The following B4GALNT3 variants were observed in gnomAD, a reference collection of about 807,000 sequenced individuals.
B4GALNT3 encodes beta-1,4-N-acetyl-galactosaminyltransferase 3, also known as beta-1,4-N-acetylgalactosaminyltransferase 3.
B4GALNT3 carries 86 observed loss-of-function variants against 120.2 expected under a neutral mutation model. The observed-to-expected ratio is 0.72, with a 90% CI of 0.60 to 0.86. The LOEUF is 0.86. Among genes scored for constraint, B4GALNT3 ranks in the 40% least tolerant of loss-of-function variants. The pLI is 0.00. For synonymous variants in B4GALNT3, 518 were observed against 510.4 expected, an observed-to-expected ratio of 1.01 and a Z score of -0.20; for missense variants, 1,167 against 1,298.9, an observed-to-expected ratio of 0.90 and a Z score of 1.56.
At chr12:541,131 G>A (rs1946909881) in intron 3 of B4GALNT3, among the ~76,000 whole-genome samples, 5 of 152,348 alleles carry the variant, frequency 3.3e-5, no homozygotes, top group Admixed American at 3.3e-4. Flanking sequence ...CCGTGTGGGG[G>A]AGAAGCTGAG....
intron 1 of B4GALNT3, among the ~76,000 whole-genome samples, chr12:519,246 G>A (rs2120614617): frequency 6.6e-6 from 1 of 152,294 alleles, no homozygotes; most frequent in Admixed American, 6.5e-5. Context: ...ATTCCCCTAA[G>A]ACCTGGGAAG....
Position 550,858 on chromosome 12 carries a change from G to A in B4GALNT3, c.998-64G>A, listed in dbSNP as rs1947073244. On this transcript the variant is annotated intron_variant, in intron 10 of 19. Coordinates refer to ENST00000266383, the MANE Select transcript of B4GALNT3 (RefSeq NM_173593.4). The surrounding 1 kb of genome is among the most constrained non-coding windows in gnomAD (Gnocchi z 4.1). The stretch of plus-strand genomic sequence containing the variant: ...TACAGAAAGGGCCCTGCTCAGGGCA[G>A]AGGACTTCAGCCCCAGTTTCGTGCT... 9.0e-6 allele frequency: 12 copies of A among 1,331,286 alleles called. No homozygotes were observed. Among genetic ancestry groups the A allele is most frequent in the South Asian group, 1.2e-5 (1 of 80,702 alleles). The allele number at this position is 1,331,286 out of a possible 1,614,324, so 82.5% of individuals were successfully genotyped here.
In B4GALNT3 at chr12:560,074, C is replaced by T. The variant is rs187821804; in HGVS notation, c.2888+653C>T. On this transcript the variant is annotated intron_variant, in intron 19 of 19. Transcript: ENST00000266383. ...CACCAGGCCATGGGTGGTGAGGAGG[C>T]GGAGGCTGTTCCGTGTGAGGTTCCT... 1.1e-3 allele frequency among the ~76,000 whole-genome samples: 175 copies of T among 152,230 alleles called. 1 individual carries two copies. The South Asian group carries it at 0.02, about 17-fold the overall frequency.
intron 14 of B4GALNT3, among the ~76,000 whole-genome samples, chr12:554,731 A>T (rs1201044245): frequency 8.0e-6 from 1 of 124,394 alleles, no homozygotes; most frequent in Non-Finnish European, 1.6e-5. Context: ...CGGAGCTTGC[A>T]GTGAGCTGAG....
chr12:548,048 C>A lies in B4GALNT3; in HGVS notation c.732C>A (p.Tyr244Ter). The A allele has an allele frequency of 1.2e-6, 2 of 1,613,942 alleles. No individual in the cohort carries two copies. The highest frequency in any genetic ancestry group is 3.3e-4 in the Middle Eastern group (2 of 6,062). The change falls in exon 8 of 20, where the codon TAC (tyrosine) becomes TAA (stop). Residue 244 changes from tyrosine to a stop codon, truncating the protein, a stop_gained. Coordinates refer to ENST00000266383, the MANE Select transcript of B4GALNT3 (RefSeq NM_173593.4). LOFTEE classifies it high-confidence loss of function. The surrounding 1 kb of genome is among the most constrained non-coding windows in gnomAD (Gnocchi z 4.9). ...GCCTGTCAGCCTCCCACAGGTACTACTTCGAGGTGCTGCACAAGCAGAATG... is the reference window on the plus strand; with the variant it reads ...GCCTGTCAGCCTCCCACAGGTACTAATTCGAGGTGCTGCACAAGCAGAATG... ...PVSLSASHRYYFEVLHKQNEE... is the reference protein window; with the variant it reads ...PVSLSASHRY
At chr12:543,365 C>G (rs1056438429) in intron 3 of B4GALNT3, among the ~76,000 whole-genome samples, 2 of 149,834 alleles carry the variant, frequency 1.3e-5, no homozygotes, top group East Asian at 4.0e-4. Context: ...GGAGCTGGGG[C>G]AGGCATGGGG....
rs139082844 is a variant in B4GALNT3 at position 496,707 on chromosome 12, G to A, written c.169+36162G>A. On this transcript the variant is annotated intron_variant, in intron 1 of 19. Transcript: ENST00000266383. ...CCCAAATATTTCCGTCACCCCTAAA[G>A]GAGACTCTGCCCATGCGCGTTAAGC... Among the ~76,000 whole-genome samples the A allele has an allele frequency of 2.5e-3, 383 of 152,268 alleles. 1 individual carries two copies. The highest frequency in any genetic ancestry group is 8.5e-3 in the African/African-American group (354 of 41,568).
intron 1 of B4GALNT3, among the ~76,000 whole-genome samples, chr12:512,741 G>C (rs1417369423): frequency 1.2e-3 from 49 of 41,752 alleles, no homozygotes; most frequent in Middle Eastern, 0.02. Flanking sequence ...TTCCACCTTT[G>C]ACCTTCCACC....
intron 1 of B4GALNT3, among the ~76,000 whole-genome samples, chr12:515,374 A>G (rs1158100862): frequency 2.0e-5 from 3 of 151,184 alleles, no homozygotes; most frequent in South Asian, 2.1e-4. Context: ...TTTTTTTCGT[A>G]TTTTAGTAGA....
intron 19 of B4GALNT3, among the ~76,000 whole-genome samples, chr12:561,060 T>C (rs946904639): frequency 6.6e-6 from 1 of 152,234 alleles, no homozygotes; most frequent in African/African-American, 2.4e-5. Flanking sequence ...TACTCTAATA[T>C]TAGATAGATA....
chr12:483,985 T>A (rs1407257855), intron 1 of B4GALNT3, among the ~76,000 whole-genome samples: 1 of 152,174 alleles, frequency 6.6e-6, no homozygotes, highest in Admixed American at 6.6e-5. Context: ...TCTCTCTAAT[T>A]TGTTTCCCAG....
At chr12:535,099 A>G in intron 1 of B4GALNT3, 67 bp from the exon 2 acceptor site, 1 of 1,369,302 alleles carries the variant, frequency 7.3e-7, no homozygotes, top group Admixed American at 1.9e-5. Flanking sequence ...TAACCTCCCA[A>G]ATCTTTTAGG....
chr12:467,075 G>T (rs1946088702), intron 1 of B4GALNT3, among the ~76,000 whole-genome samples: 3 of 152,078 alleles, frequency 2.0e-5, no homozygotes, highest in African/African-American at 7.2e-5. Context: ...ACAGATTGTG[G>T]TTCTTTTTTT....
At chr12:510,906 T>C (rs1331047063) in intron 1 of B4GALNT3, among the ~76,000 whole-genome samples, 1 of 151,584 alleles carries the variant, frequency 6.6e-6, no homozygotes, top group East Asian at 1.9e-4. Context: ...CAGAGCATTT[T>C]CCTCACCCTA....
At chr12:543,851 G>A (rs1470936272) in intron 3 of B4GALNT3, among the ~76,000 whole-genome samples, 51 of 121,848 alleles carry the variant, frequency 4.2e-4, no homozygotes, top group African/African-American at 8.7e-4. Flanking sequence ...TCATCTTCCC[G>A]GAGCTGAGGA....
At chr12:465,778 G>GTTCAGACGCTGTGCATGGTT in intron 1 of B4GALNT3, among the ~76,000 whole-genome samples, 2 of 151,082 alleles carry the variant, frequency 1.3e-5, no homozygotes, top group East Asian at 1.9e-4. Flanking sequence ...CCTGGGAGTT[G>GTTCAGACGCTGTGCATGGTT]AGGTCCCATT....
At position 509,086 on chromosome 12, in the gene B4GALNT3, C is replaced by G. The variant is rs1220865585; in HGVS notation, c.170-26080C>G. On this transcript the variant is annotated intron_variant, in intron 1 of 19. Coordinates refer to ENST00000266383, the MANE Select transcript of B4GALNT3 (RefSeq NM_173593.4). ...ACACACTCAGACAACACTGCTTTCC[C>G]CATCACTGCCTGTCATCCAACACTT... Among the ~76,000 whole-genome samples the G allele has an allele frequency of 2.6e-5, 4 of 152,222 alleles. No homozygotes were observed. In the South Asian group the frequency reaches 8.3e-4, roughly 31 times the overall value.
intron 3 of B4GALNT3, among the ~76,000 whole-genome samples, chr12:542,486 G>A (rs1946929181): frequency 6.6e-6 from 1 of 152,196 alleles, no homozygotes; most frequent in Non-Finnish European, 1.5e-5. Flanking sequence ...TGGCGGGGAG[G>A]CCAGGGCAGG....
Position 544,985 on chromosome 12 carries a change from C to T in B4GALNT3, c.538+13C>T, listed in dbSNP as rs12322210. The T allele has an allele frequency of 6.2e-3, 10,022 of 1,612,406 alleles. 533 individuals are homozygous for T. The African/African-American group carries it at 0.12, about 19-fold the overall frequency. On this transcript the variant is annotated intron_variant, in intron 5 of 19. Coordinates refer to ENST00000266383, the MANE Select transcript of B4GALNT3 (RefSeq NM_173593.4). Reference sequence around the variant, plus strand: ...CCCTTTACTGATGGTGAGGCCAGCCCCAAAACCCCATCCTTCTTCCTGCTC... The same window carrying T: ...CCCTTTACTGATGGTGAGGCCAGCCTCAAAACCCCATCCTTCTTCCTGCTC...
Sources: allele counts gnomAD v4.1 joint callset (sites outside exome capture counted in the v4.1 genomes callset), GRCh38; gene constraint gnomAD v4.1.1; non-coding constraint Gnocchi (gnomAD v3.1); transcripts MANE v1.5; gene names NCBI Gene and HGNC (gene_info 2026-07-23, HGNC 2026-07-21).